The following SLC1A2 variants were observed in gnomAD, a reference collection of about 807,000 sequenced individuals.
SLC1A2 encodes the protein excitatory amino acid transporter 2.
In SLC1A2, 15 loss-of-function variants were observed where a neutral mutation model predicts 48.8. The ratio of observed to expected loss-of-function variants is 0.31; its 90% CI spans 0.21 to 0.47. The LOEUF (loss-of-function observed/expected upper bound fraction) is 0.47, where lower values mean the gene tolerates loss of function less well. SLC1A2 is among the 20% of genes least tolerant of loss of function. SLC1A2 has a pLI of 0.99. For synonymous variants in SLC1A2, 279 were observed against 272.6 expected (o/e 1.02, Z -0.23); for missense variants, 502 against 730.5 (o/e 0.69, Z 3.61).
intron 3 of SLC1A2, among the ~76,000 whole-genome samples, chr11:35,312,846 G>A (rs1851751295): frequency 6.6e-6 from 1 of 151,980 alleles, no homozygotes; most frequent in Admixed American, 6.6e-5. Flanking sequence ...ATCTGCACAT[G>A]TGGGACTCAC....
Position 35,306,062 on chromosome 11 carries a change from C to CG in SLC1A2, c.730+11_730+12insC, listed in dbSNP as rs1565228721. The stretch of plus-strand genomic sequence containing the variant: ...CCAGGGAAGCAGAATCCCGGACCAC[C>CG]AGCTGGCCTACCTAAGACGTTCATC... On this transcript the variant is annotated intron_variant, in intron 5 of 10. Coordinates refer to ENST00000278379, the MANE Select transcript of SLC1A2 (RefSeq NM_004171.4). 6.2e-7 allele frequency: 1 copy of CG among 1,612,064 alleles called. No individual in the cohort carries two copies. Among genetic ancestry groups the CG allele is most frequent in the South Asian group, 1.1e-5 (1 of 90,986 alleles).
intron 1 of SLC1A2, among the ~76,000 whole-genome samples, chr11:35,361,722 A>T (rs182879758): frequency 1.3e-5 from 2 of 152,148 alleles, no homozygotes; most frequent in Admixed American, 1.3e-4. Context: ...CACACCTGTA[A>T]TCTCAGCACT....
At chr11:35,297,625 CTGTT>C (rs942307984) in intron 6 of SLC1A2, 2 of 152,086 alleles carry the variant, frequency 1.3e-5, no homozygotes, top group South Asian at 2.1e-4. Flanking sequence ...ATTTTACTTT[CTGTT>C]TAAGTTTTTC....
At chr11:35,405,506 T>C (rs1304110461) in intron 1 of SLC1A2, among the ~76,000 whole-genome samples, 1 of 152,132 alleles carries the variant, frequency 6.6e-6, no homozygotes, top group Non-Finnish European at 1.5e-5. Context: ...AAATTCATTC[T>C]AGCTTCTCCT....
intron 1 of SLC1A2, among the ~76,000 whole-genome samples, chr11:35,329,458 A>G (rs552440370): frequency 2.3e-4 from 35 of 152,288 alleles, no homozygotes; most frequent in African/African-American, 7.9e-4. Context: ...CTGCACCTGA[A>G]TGTGAGCAGG....
intron 6 of SLC1A2, among the ~76,000 whole-genome samples, chr11:35,294,379 G>A (rs1270115468): frequency 6.6e-6 from 1 of 152,152 alleles, no homozygotes; most frequent in African/African-American, 2.4e-5. Flanking sequence ...ACATTAGGGA[G>A]TCTGAGACAA....
In SLC1A2 at chr11:35,379,216, C is replaced by CA. The variant is rs1424101342; in HGVS notation, c.17+39733dup. Among the ~76,000 whole-genome samples the CA allele has an allele frequency of 6.6e-5, 10 of 152,084 alleles. No homozygotes were observed. The South Asian group carries it at 2.1e-3, about 32-fold the overall frequency. ...TGCACTCTAGCCTGGGCAACAAGAG[C>CA]AAAACTCTGTCTCAAAAAAAAAGAA... is the stretch of plus-strand genomic sequence containing the variant. On this transcript the variant is annotated intron_variant, in intron 1 of 10. Coordinates refer to ENST00000278379, the MANE Select transcript of SLC1A2 (RefSeq NM_004171.4).
At chr11:35,364,327 TCA>T (rs1265833195) in intron 1 of SLC1A2, among the ~76,000 whole-genome samples, 1 of 152,224 alleles carries the variant, frequency 6.6e-6, no homozygotes, top group Non-Finnish European at 1.5e-5. Context: ...CCATGTAGAC[TCA>T]CACTGAGAAG....
chr11:35,254,904 A>G lies in SLC1A2; in HGVS notation c.*5990T>C, dbSNP rs1425348916. ...CAAGGCTGGACATAGAAAAAAACTG[A>G]TCAGTAGTTATTCAGGATATTATTT... On this transcript the variant is annotated 3_prime_UTR_variant, in exon 11 of 11. Coordinates refer to ENST00000278379, the MANE Select transcript of SLC1A2 (RefSeq NM_004171.4). The G allele has an allele frequency of 1.7e-5, 7 of 419,082 alleles. No homozygotes were observed. Among genetic ancestry groups the G allele is most frequent in the Admixed American group, 2.8e-5 (1 of 35,326 alleles). The allele number at this position is 419,082 out of a possible 1,614,324, so 26.0% of individuals were successfully genotyped here.
chr11:35,406,194 C>A (rs1855287420), intron 1 of SLC1A2, among the ~76,000 whole-genome samples: 1 of 152,170 alleles, frequency 6.6e-6, no homozygotes. Flanking sequence ...ATCACCTCTT[C>A]TGAGAAGCCT....
chr11:35,329,772 G>C (rs980845781), intron 1 of SLC1A2, among the ~76,000 whole-genome samples: 2 of 152,144 alleles, frequency 1.3e-5, no homozygotes, highest in African/African-American at 4.8e-5. Flanking sequence ...GGATAGCTTT[G>C]ACTATTAAGA....
At chr11:35,395,593 G>A (rs1854926276) in intron 1 of SLC1A2, among the ~76,000 whole-genome samples, 1 of 151,868 alleles carries the variant, frequency 6.6e-6, no homozygotes. Context: ...AAGAAGCAAA[G>A]CTCCGAATAT....
intron 1 of SLC1A2, among the ~76,000 whole-genome samples, chr11:35,363,338 C>T (rs987118379): frequency 6.6e-6 from 1 of 152,014 alleles, no homozygotes; most frequent in East Asian, 1.9e-4. Flanking sequence ...CAGGCTGTTG[C>T]CTGGTAGTGG....
At chr11:35,343,449 A>G (rs1852915984) in intron 1 of SLC1A2, among the ~76,000 whole-genome samples, 1 of 151,374 alleles carries the variant, frequency 6.6e-6, no homozygotes. Context: ...TGAATATTCC[A>G]CTCCTTGGTT....
At chr11:35,372,521 C>T (rs139498709) in intron 1 of SLC1A2, among the ~76,000 whole-genome samples, 118 of 152,332 alleles carry the variant, frequency 7.7e-4, no homozygotes, top group African/African-American at 2.7e-3. Context: ...TTATTGCAAA[C>T]TTATTCTCAA....
At position 35,259,994 on chromosome 11, in the gene SLC1A2, G is replaced by A. The variant is rs1030347785; in HGVS notation, c.*900C>T. 1.3e-5 allele frequency: 2 copies of A among 152,076 alleles called. No individual in the cohort carries two copies. The highest frequency in any genetic ancestry group is 2.9e-5 in the Non-Finnish European group (2 of 67,996). The allele number at this position is 152,076 out of a possible 1,614,324, so 9.4% of individuals were successfully genotyped here. Reference sequence around the variant, plus strand: ...TTTAGGAACCAAAAAATAATCTTTTGGGTTAAACAAAGCAAAACACATACC... The same window carrying A: ...TTTAGGAACCAAAAAATAATCTTTTAGGTTAAACAAAGCAAAACACATACC... On this transcript the variant is annotated 3_prime_UTR_variant, in exon 11 of 11. Transcript: ENST00000278379.
At chr11:35,359,988 C>T in intron 1 of SLC1A2, 1 of 524,180 alleles carries the variant, frequency 1.9e-6, no homozygotes, top group Non-Finnish European at 2.4e-6. Context: ...CAAACTGATT[C>T]CTCCCTTCTC....
At chr11:35,368,484 T>C (rs1242486728) in intron 1 of SLC1A2, among the ~76,000 whole-genome samples, 6 of 152,220 alleles carry the variant, frequency 3.9e-5, no homozygotes, top group African/African-American at 9.6e-5. Context: ...GACATTATTA[T>C]TGATTATCAT....
chr11:35,265,368 T>A (rs1313737416), intron 10 of SLC1A2, 159 bp downstream of exon 10: 3 of 594,904 alleles, frequency 5.0e-6, no homozygotes, highest in Non-Finnish European at 5.9e-6. Context: ...AGACACAGAA[T>A]TAGATGATCT....
Sources: allele counts gnomAD v4.1 joint callset (sites outside exome capture counted in the v4.1 genomes callset), GRCh38; gene constraint gnomAD v4.1.1; transcripts MANE v1.5; gene names NCBI Gene and HGNC (gene_info 2026-07-23, HGNC 2026-07-21).